Variants in PTPRN2 observed in about 807,000 individuals in gnomAD.
The protein encoded by PTPRN2 is receptor-type tyrosine-protein phosphatase N2.
In PTPRN2, 74 loss-of-function variants were observed where a neutral mutation model predicts 118.8. The ratio of observed to expected loss-of-function variants is 0.62; its 90% CI spans 0.52 to 0.76. The LOEUF is 0.76. Ranked by LOEUF, PTPRN2 falls within the 30% of genes least tolerant of loss-of-function variation. The pLI is 0.00. For synonymous variants in PTPRN2, 641 were observed against 608.0 expected (o/e 1.05, Z -0.80); for missense variants, 1,481 against 1,394.4 (o/e 1.06, Z -0.99).
At chr7:157,926,389 C>T (rs981871303) in intron 11 of PTPRN2, among the ~76,000 whole-genome samples, 2 of 152,216 alleles carry the variant, frequency 1.3e-5, no homozygotes, top group Non-Finnish European at 2.9e-5. Context: ...ATGAAAATCC[C>T]CTTTCTCAGA....
Position 158,178,764 on chromosome 7 carries a change from AT to A in PTPRN2, c.550-11474del, listed in dbSNP as rs563226677. Among the ~76,000 whole-genome samples the A allele has an allele frequency of 3.0e-4, 46 of 151,690 alleles. No homozygotes were observed. In the South Asian group the frequency reaches 8.6e-3, roughly 28 times the overall value. On this transcript the variant is annotated intron_variant, in intron 5 of 22. Coordinates refer to ENST00000389418, the MANE Select transcript of PTPRN2 (RefSeq NM_002847.5). ...AGGCACCCGCCACCACGCCTGGCTA[AT>A]TTTTTGTATTTTTAGTAGAGACGAG...
rs76128760 is a variant in PTPRN2, at chr7:157,752,178, C to T, written c.1789-69241G>A. 8.3e-3 allele frequency among the ~76,000 whole-genome samples: 1,269 copies of T among 152,318 alleles called. 13 individuals are homozygous for T. The highest frequency in any genetic ancestry group is 0.029 in the African/African-American group (1,204 of 41,558). On this transcript the variant is annotated intron_variant, in intron 12 of 22. Coordinates refer to ENST00000389418, the MANE Select transcript of PTPRN2 (RefSeq NM_002847.5). ...CTGTGTCTGCAGCTCTGGCCTGGCT[C>T]GGCTGGGTTTTCTCCAGGGTGGGGG...
intron 2 of PTPRN2, among the ~76,000 whole-genome samples, chr7:158,351,267 G>A (rs775794363): frequency 5.3e-5 from 8 of 152,126 alleles, no homozygotes; most frequent in Admixed American, 2.0e-4. Context: ...GGACTCACCC[G>A]CTGGCACCAT....
At chr7:157,709,492 C>T (rs1026070276) in intron 12 of PTPRN2, among the ~76,000 whole-genome samples, 3 of 152,134 alleles carry the variant, frequency 2.0e-5, no homozygotes, top group African/African-American at 7.2e-5. Context: ...ATCTAGAGCA[C>T]GAAGTGAGTG....
intron 12 of PTPRN2, among the ~76,000 whole-genome samples, chr7:157,686,725 A>T (rs1202458964): frequency 5.3e-5 from 8 of 152,214 alleles, no homozygotes; most frequent in Admixed American, 5.2e-4. Flanking sequence ...CCTTCTGTAC[A>T]GCGGCAGCTC....
intron 12 of PTPRN2, among the ~76,000 whole-genome samples, chr7:157,704,049 C>T (rs1798209261): frequency 6.6e-6 from 1 of 152,136 alleles, no homozygotes; most frequent in Non-Finnish European, 1.5e-5. Flanking sequence ...CACCAGGAAT[C>T]CCTTTCCTTA....
chr7:158,110,506 G>C (rs1403707655), intron 10 of PTPRN2, among the ~76,000 whole-genome samples: 1 of 152,184 alleles, frequency 6.6e-6, no homozygotes, highest in Non-Finnish European at 1.5e-5. Context: ...AGTGTTCTCT[G>C]GGGTGGGCCC....
rs138018966 is a variant in PTPRN2 at position 158,465,109 on chromosome 7, G to C, written c.163+24626C>G. ...TCCAGCACCAATCAGCTGTGTGGCT[G>C]TGGACATTTCCTAAAGCATGCTGGG... On this transcript the variant is annotated intron_variant, in intron 2 of 22. Transcript: ENST00000389418. Among the ~76,000 whole-genome samples the C allele has an allele frequency of 8.9e-4, 135 of 152,338 alleles. 1 individual carries two copies. Among genetic ancestry groups the C allele is most frequent in the Middle Eastern group, 3.4e-3 (1 of 294 alleles).
chr7:158,016,694 G>A (rs1463312674), intron 11 of PTPRN2, among the ~76,000 whole-genome samples: 3 of 152,230 alleles, frequency 2.0e-5, no homozygotes, highest in Non-Finnish European at 4.4e-5. Context: ...TCCATCCAGC[G>A]TGTGCTGAAG....
At chr7:158,039,973 C>T (rs1808334753) in intron 11 of PTPRN2, among the ~76,000 whole-genome samples, 1 of 151,804 alleles carries the variant, frequency 6.6e-6, no homozygotes, top group Admixed American at 6.6e-5. Flanking sequence ...TGAGGAATGC[C>T]TTTGATGGGC....
intron 5 of PTPRN2, among the ~76,000 whole-genome samples, chr7:158,178,690 C>T (rs1435210880): frequency 3.4e-5 from 5 of 145,508 alleles, no homozygotes; most frequent in Non-Finnish European, 7.5e-5. Flanking sequence ...CTCCAACTCC[C>T]AAGTTCAAGT....
At chr7:157,683,046 G>A in intron 12 of PTPRN2, 109 bp from the exon 13 acceptor site, 2 of 975,704 alleles carry the variant, frequency 2.0e-6, no homozygotes, top group Middle Eastern at 3.1e-4. Flanking sequence ...CCCACAGGAC[G>A]CTGTGCTGGC....
chr7:157,562,914 C>A (rs1639793), intron 21 of PTPRN2, among the ~76,000 whole-genome samples: 80,430 of 85,580 alleles, frequency 0.94, 37,927 homozygotes, highest in Middle Eastern at 0.99. Flanking sequence ...CACCACACAC[C>A]ACAGATCAGG....
At chr7:157,717,327 G>A (rs1798973672) in intron 12 of PTPRN2, among the ~76,000 whole-genome samples, 1 of 152,268 alleles carries the variant, frequency 6.6e-6, no homozygotes, top group Admixed American at 6.5e-5. Flanking sequence ...TGGGGCAACA[G>A]CCTGATGGTG....
At chr7:157,848,661 T>C (rs2151200301) in intron 12 of PTPRN2, among the ~76,000 whole-genome samples, 1 of 152,360 alleles carries the variant, frequency 6.6e-6, no homozygotes, top group East Asian at 1.9e-4. Flanking sequence ...GGGCCCCACC[T>C]GACAGAAATG....
In PTPRN2 at chr7:158,526,816, C is replaced by T. The variant is rs1040213319; in HGVS notation, c.113-37031G>A. 1.3e-5 allele frequency among the ~76,000 whole-genome samples: 2 copies of T among 152,056 alleles called. No homozygotes were observed. Among genetic ancestry groups the T allele is most frequent in the Admixed American group, 6.6e-5 (1 of 15,264 alleles). ...GGGAGAGGCCTCTGGGGGAACCTGCCCTGCCGTGCTCTCATCTTGGACTTT... is the reference window on the plus strand; with the variant it reads ...GGGAGAGGCCTCTGGGGGAACCTGCTCTGCCGTGCTCTCATCTTGGACTTT... On this transcript the variant is annotated intron_variant, in intron 1 of 22. Transcript: ENST00000389418. This position sits in a 1 kb window ranked among gnomAD's most constrained non-coding sequence, Gnocchi z 5.2.
At chr7:158,164,141 G>T (rs1027597536) in intron 6 of PTPRN2, among the ~76,000 whole-genome samples, 2 of 152,208 alleles carry the variant, frequency 1.3e-5, no homozygotes, top group African/African-American at 4.8e-5. Flanking sequence ...CCACACCCTG[G>T]GGTGTGGGAG....
At chr7:158,240,158 T>A (rs75312445) in intron 3 of PTPRN2, among the ~76,000 whole-genome samples, 4 of 152,228 alleles carry the variant, frequency 2.6e-5, no homozygotes, top group Non-Finnish European at 5.9e-5. Context: ...TGGCCATTTT[T>A]ATCTTTTTGA....
At chr7:158,137,182 G>T (rs1225240370) in intron 7 of PTPRN2, among the ~76,000 whole-genome samples, 3 of 152,150 alleles carry the variant, frequency 2.0e-5, no homozygotes, top group Non-Finnish European at 4.4e-5. Context: ...ACTTTGGGAG[G>T]CCAAGGTGGG....
Sources: allele counts gnomAD v4.1 joint callset (sites outside exome capture counted in the v4.1 genomes callset), GRCh38; gene constraint gnomAD v4.1.1; non-coding constraint Gnocchi (gnomAD v3.1); transcripts MANE v1.5; gene names NCBI Gene and HGNC (gene_info 2026-07-23, HGNC 2026-07-21).